Variants in DNAH11 observed in about 807,000 individuals in gnomAD.
DNAH11 encodes the protein axonemal beta dynein heavy chain 11.
Under a neutral mutation model 526.0 loss-of-function variants are expected in DNAH11, and 442 were observed. The observed-to-expected ratio is 0.84, with a 90% CI of 0.78 to 0.91. The LOEUF (loss-of-function observed/expected upper bound fraction) is 0.91, where lower values mean the gene tolerates loss of function less well. Ranked by LOEUF, DNAH11 falls within the 40% of genes least tolerant of loss-of-function variation. The pLI is 0.00. For missense variants in DNAH11, 6,989 were observed against 5,448.7 expected (o/e 1.28, Z -8.90); for synonymous variants, 2,461 against 1,935.9 (o/e 1.27, Z -7.12).
chr7:21,754,565 C>T (rs1004998583), intron 54 of DNAH11, among the ~76,000 whole-genome samples: 4 of 118,100 alleles, frequency 3.4e-5, no homozygotes, highest in Non-Finnish European at 7.9e-5. Flanking sequence ...TGGATAATTT[C>T]CCCCCCCACC....
At chr7:21,606,879 C>G (rs1308453998) in intron 20 of DNAH11, 146 bp downstream of exon 20, 2 of 716,156 alleles carry the variant, frequency 2.8e-6, no homozygotes, top group Admixed American at 5.5e-5. Flanking sequence ...GCAATTTCCC[C>G]TTAAGTAAAT....
At chr7:21,652,579 G>A (rs748605733) in intron 28 of DNAH11, among the ~76,000 whole-genome samples, 24 of 152,312 alleles carry the variant, frequency 1.6e-4, no homozygotes, top group Non-Finnish European at 3.5e-4. Flanking sequence ...ATAACCAACA[G>A]TGAGAAGCTT....
chr7:21,862,312 A>T (rs1368834192), intron 69 of DNAH11, among the ~76,000 whole-genome samples: 1 of 151,584 alleles, frequency 6.6e-6, no homozygotes, highest in Non-Finnish European at 1.5e-5. Flanking sequence ...CATTCTTCTC[A>T]CCTTCTCGGG....
chr7:21,686,250 T>G lies in DNAH11; in HGVS notation c.5622-849T>G, dbSNP rs1783370481. 2.0e-5 allele frequency among the ~76,000 whole-genome samples: 3 copies of G among 152,186 alleles called. No individual in the cohort carries two copies. The South Asian group carries it at 6.2e-4, about 31-fold the overall frequency. On this transcript the variant is annotated intron_variant, in intron 32 of 81. Transcript: ENST00000409508. ...AATAGAGGAGAAAACTGAGGTGTGT[T>G]GATGTCAAAAGACTTATTTAAGATT...
In DNAH11 at chr7:21,619,086, T is replaced by G. The variant is rs1234735785; in HGVS notation, c.4255-14T>G. On this transcript the variant is annotated splice_polypyrimidine_tract_variant and intron_variant, in intron 23 of 81. Transcript: ENST00000409508. ...ATGTGGAATATAAAGTCTAACTTTT[T>G]TTCCCCCAATCAGGTCAAGTTTTTA... is the stretch of plus-strand genomic sequence containing the variant. 1 of 1,613,298 alleles carries G rather than the reference T, an allele frequency of 6.2e-7. No individual in the cohort carries two copies. Among genetic ancestry groups the G allele is most frequent in the South Asian group, 1.1e-5 (1 of 91,058 alleles).
At chr7:21,582,839 A>G (rs889155264) in intron 9 of DNAH11, among the ~76,000 whole-genome samples, 1 of 152,220 alleles carries the variant, frequency 6.6e-6, no homozygotes, top group Non-Finnish European at 1.5e-5. Flanking sequence ...GTGCCAAACA[A>G]TATAGCAGAC....
chr7:21,633,837 G>T (rs994520616), intron 25 of DNAH11, among the ~76,000 whole-genome samples: 4 of 152,174 alleles, frequency 2.6e-5, no homozygotes, highest in African/African-American at 9.7e-5. Flanking sequence ...ATGGCAGTCA[G>T]AAAAGGGTAT....
intron 46 of DNAH11, among the ~76,000 whole-genome samples, chr7:21,738,111 C>T (rs1785696779): frequency 6.6e-6 from 1 of 152,094 alleles, no homozygotes; most frequent in African/African-American, 2.4e-5. Context: ...CAGACACGCA[C>T]TGTTCTGGAT....
intron 25 of DNAH11, among the ~76,000 whole-genome samples, chr7:21,627,443 T>C (rs974014311): frequency 6.6e-6 from 1 of 152,312 alleles, no homozygotes; most frequent in African/African-American, 2.4e-5. Context: ...CCATTTTTAT[T>C]TGATTTTTGT....
chr7:21,851,625 G>A (rs1329375925), intron 66 of DNAH11: 1 of 471,438 alleles, frequency 2.1e-6, no homozygotes, highest in Non-Finnish European at 4.4e-6. Context: ...GTAAGAACCG[G>A]ATGGCATTTC....
intron 79 of DNAH11, among the ~76,000 whole-genome samples, chr7:21,899,125 T>G (rs989959252): frequency 1.3e-5 from 2 of 152,208 alleles, no homozygotes; most frequent in African/African-American, 4.8e-5. Flanking sequence ...TGCTCTAATG[T>G]AAACGCTACA....
intron 28 of DNAH11, among the ~76,000 whole-genome samples, chr7:21,644,325 C>T (rs1357805591): frequency 6.6e-6 from 1 of 152,144 alleles, no homozygotes; most frequent in Non-Finnish European, 1.5e-5. Context: ...AAAAGTGTCT[C>T]AGCATATGAA....
chr7:21,895,103 C>T (rs781573760), intron 79 of DNAH11, 104 bp downstream of exon 79: 20 of 944,264 alleles, frequency 2.1e-5, no homozygotes, highest in Non-Finnish European at 3.3e-5. Context: ...AGCTTTGTGA[C>T]TGTTCTCAAC....
chr7:21,686,027 T>C (rs1783361702), intron 32 of DNAH11, among the ~76,000 whole-genome samples: 1 of 152,212 alleles, frequency 6.6e-6, no homozygotes, highest in South Asian at 2.1e-4. Context: ...AAATCTCTAC[T>C]ACAAAAAGTA....
At chr7:21,563,892 A>G (rs1015314299) in intron 5 of DNAH11, among the ~76,000 whole-genome samples, 1 of 152,178 alleles carries the variant, frequency 6.6e-6, no homozygotes, top group African/African-American at 2.4e-5. Flanking sequence ...AGGGTTGAGT[A>G]AATTTCTTTA....
chr7:21,724,570 G>A (rs1785001861), intron 44 of DNAH11, among the ~76,000 whole-genome samples: 1 of 150,048 alleles, frequency 6.7e-6, no homozygotes, highest in Admixed American at 6.6e-5. Flanking sequence ...GTCATGCTAT[G>A]GATATAGGAG....
At chr7:21,874,677 G>A (rs112966383) in intron 74 of DNAH11, among the ~76,000 whole-genome samples, 5,932 of 151,370 alleles carry the variant, frequency 0.039, 400 homozygotes, top group African/African-American at 0.14. Context: ...AAATACATAC[G>A]TATATATACA....
intron 74 of DNAH11, among the ~76,000 whole-genome samples, chr7:21,877,896 A>AG (rs1337611602): frequency 3.3e-5 from 5 of 151,102 alleles, no homozygotes; most frequent in Admixed American, 2.6e-4. Context: ...AAAAAAAAAA[A>AG]AAGAGCCTCT....
intron 65 of DNAH11, among the ~76,000 whole-genome samples, chr7:21,832,273 C>T (rs1007090447): frequency 2.0e-5 from 3 of 152,064 alleles, no homozygotes; most frequent in Non-Finnish European, 2.9e-5. Flanking sequence ...CTTCATATGT[C>T]GACGGTCTTT....
Sources: allele counts gnomAD v4.1 joint callset (sites outside exome capture counted in the v4.1 genomes callset), GRCh38; gene constraint gnomAD v4.1.1; transcripts MANE v1.5; gene names NCBI Gene and HGNC (gene_info 2026-07-23, HGNC 2026-07-21).